The following PCED1B variants were observed in gnomAD, a reference collection of about 807,000 sequenced individuals.
PCED1B encodes the protein PC-esterase domain containing 1B.
For synonymous variants in PCED1B, 251 were observed against 246.1 expected (o/e 1.02, Z -0.19); for missense variants, 573 against 573.9 (o/e 1.00, Z 0.02).
At position 47,170,474 on chromosome 12, in the gene PCED1B, G is replaced by C. The variant is rs532769360; in HGVS notation, c.-525-45748G>C. Among the ~76,000 whole-genome samples the C allele has an allele frequency of 1.6e-3, 236 of 145,160 alleles. 3 individuals carry two copies. Among genetic ancestry groups the C allele is most frequent in the African/African-American group, 6.0e-3 (224 of 37,062 alleles). On this transcript the variant is annotated intron_variant, in intron 2 of 3. Transcript: ENST00000546455. ...ACTTCCCGGACAGGGCAACCGGGCA[G>C]AGGCGCCCCCCACCTCCCGGATGGG...
At chr12:47,222,725 G>T (rs1211664156) in intron 3 of PCED1B, among the ~76,000 whole-genome samples, 2 of 152,262 alleles carry the variant, frequency 1.3e-5, no homozygotes, top group Admixed American at 6.5e-5. Context: ...GGGCAGAGGG[G>T]TTGCTTAATA....
chr12:47,234,841 C>CA (rs1415309274), intron 3 of PCED1B, among the ~76,000 whole-genome samples, 166 bp from the exon 4 acceptor site: 1 of 152,176 alleles, frequency 6.6e-6, no homozygotes, highest in African/African-American at 2.4e-5. Flanking sequence ...GCCAATCTCC[C>CA]AGGTCCGGGC....
At chr12:47,099,242 A>G (rs1405125560) in intron 1 of PCED1B, among the ~76,000 whole-genome samples, 1 of 152,222 alleles carries the variant, frequency 6.6e-6, no homozygotes, top group Non-Finnish European at 1.5e-5. Context: ...AACAATTCAC[A>G]TACCATTTTG....
At chr12:47,148,008 A>C (rs1940854169) in intron 2 of PCED1B, among the ~76,000 whole-genome samples, 1 of 152,216 alleles carries the variant, frequency 6.6e-6, no homozygotes. Context: ...AAATAAAGGA[A>C]ATTTATTTCT....
Position 47,196,086 on chromosome 12 carries a change from T to C in PCED1B, c.-525-20136T>C, listed in dbSNP as rs74690050. Among the ~76,000 whole-genome samples the C allele has an allele frequency of 5.8e-3, 885 of 152,366 alleles. 4 individuals are homozygous for C. Among genetic ancestry groups the C allele is most frequent in the Admixed American group, 0.013 (200 of 15,306 alleles). On this transcript the variant is annotated intron_variant, in intron 2 of 3. Transcript: ENST00000546455. ...TGAATTCTTTTAACTTTGCAAAGAC[T>C]ATTACATATAACACTATGTTACAAA... is the stretch of plus-strand genomic sequence containing the variant.
chr12:47,154,725 T>A (rs376014919), intron 2 of PCED1B, among the ~76,000 whole-genome samples: 1 of 151,756 alleles, frequency 6.6e-6, no homozygotes, highest in Non-Finnish European at 1.5e-5. Context: ...GGGATCATCA[T>A]GTGAAGTCTC....
chr12:47,202,837 C>T (rs1942807521), intron 2 of PCED1B, among the ~76,000 whole-genome samples: 1 of 152,012 alleles, frequency 6.6e-6, no homozygotes, highest in South Asian at 2.1e-4. Context: ...TCTTAAATGA[C>T]ACATGTGGTC....
At chr12:47,161,448 T>C (rs187135004) in intron 2 of PCED1B, among the ~76,000 whole-genome samples, 1 of 152,334 alleles carries the variant, frequency 6.6e-6, no homozygotes, top group East Asian at 1.9e-4. Context: ...GACTTTATGC[T>C]AGTACCACAG....
intron 2 of PCED1B, among the ~76,000 whole-genome samples, chr12:47,212,585 C>T (rs1023805169): frequency 6.6e-6 from 1 of 152,192 alleles, no homozygotes; most frequent in African/African-American, 2.4e-5. Context: ...CATCTCCCCT[C>T]CACTTGCGCA....
In PCED1B at chr12:47,102,727, C is replaced by T. The variant is rs76167580; in HGVS notation, c.-608-1386C>T. 3.5e-3 allele frequency among the ~76,000 whole-genome samples: 533 copies of T among 152,260 alleles called. 9 individuals are homozygous for T. The highest frequency in any genetic ancestry group is 0.035 in the South Asian group (167 of 4,828). On this transcript the variant is annotated intron_variant, in intron 1 of 3. Coordinates refer to ENST00000546455, the MANE Select transcript of PCED1B (RefSeq NM_138371.3). Reference sequence around the variant, plus strand: ...GTGTGTGAAATGGTAATAACACCCACTTTATAGGATTGATTATTAACTCAA... The same window carrying T: ...GTGTGTGAAATGGTAATAACACCCATTTTATAGGATTGATTATTAACTCAA...
intron 2 of PCED1B, among the ~76,000 whole-genome samples, chr12:47,121,589 T>C (rs1197916205): frequency 6.6e-6 from 1 of 152,208 alleles, no homozygotes; most frequent in Non-Finnish European, 1.5e-5. Context: ...TAATTTAATC[T>C]AATTAAATGT....
intron 2 of PCED1B, among the ~76,000 whole-genome samples, chr12:47,166,905 G>A (rs985885353): frequency 1.3e-5 from 2 of 152,104 alleles, no homozygotes; most frequent in Admixed American, 6.5e-5. Context: ...AGCTACATAC[G>A]TAACACCAGA....
intron 2 of PCED1B, among the ~76,000 whole-genome samples, chr12:47,170,103 G>C (rs559641031): frequency 2.0e-5 from 3 of 150,366 alleles, no homozygotes; most frequent in Non-Finnish European, 3.0e-5. Flanking sequence ...TGACTCTTAA[G>C]GAGCATGCTG....
Position 47,236,277 on chromosome 12 carries a change from C to T in PCED1B, c.1214C>T (p.Pro405Leu). ...CATAGGGGTTTTGGCAGGTATCGTCCCCGTGGCCCCTATACGCCCTGGGGA... is the reference window on the plus strand; with the variant it reads ...CATAGGGGTTTTGGCAGGTATCGTCTCCGTGGCCCCTATACGCCCTGGGGA... ...VVHRGFGRYR[P>L]RGPYTPWGQR... The change falls in exon 4 of 4, where the codon CCC becomes CTC. Residue 405 changes from proline to leucine, a missense_variant. Coordinates refer to ENST00000546455, the MANE Select transcript of PCED1B (RefSeq NM_138371.3). The T allele has an allele frequency of 6.2e-7, 1 of 1,614,156 alleles. No individual in the cohort carries two copies. The highest frequency in any genetic ancestry group is 8.5e-7 in the Non-Finnish European group (1 of 1,180,042).
At chr12:47,158,083 C>T (rs1941252192) in intron 2 of PCED1B, among the ~76,000 whole-genome samples, 1 of 152,296 alleles carries the variant, frequency 6.6e-6, no homozygotes, top group South Asian at 2.1e-4. Flanking sequence ...GTTACTTCCA[C>T]ATTTTACCTG....
chr12:47,217,477 A>AAAG (rs1324899710), intron 3 of PCED1B, among the ~76,000 whole-genome samples: 2 of 110,782 alleles, frequency 1.8e-5, no homozygotes, highest in African/African-American at 7.9e-5. Context: ...AAAGAGAAAG[A>AAAG]AAGAAAGAAA....
intron 2 of PCED1B, among the ~76,000 whole-genome samples, chr12:47,138,794 C>T (rs138919869): frequency 8.9e-4 from 136 of 152,326 alleles, no homozygotes; most frequent in African/African-American, 3.2e-3. Context: ...CAAATGACCC[C>T]CTAGCTAAGC....
intron 2 of PCED1B, among the ~76,000 whole-genome samples, chr12:47,162,125 G>C (rs190006788): frequency 2.6e-5 from 4 of 151,704 alleles, no homozygotes; most frequent in African/African-American, 4.8e-5. Flanking sequence ...GGGTGGTGGG[G>C]GGGGGAAGGA....
At chr12:47,138,309 A>T (rs1940465740) in intron 2 of PCED1B, 1 of 152,214 alleles carries the variant, frequency 6.6e-6, no homozygotes, top group African/African-American at 2.4e-5. Context: ...TTATTTTCTT[A>T]GGAGCCATTG....
Sources: gnomAD v4.1 joint callset for allele counts (sites outside exome capture counted in the v4.1 genomes callset) on GRCh38, gnomAD v4.1.1 for gene constraint, MANE v1.5 for transcripts, NCBI Gene and HGNC (gene_info 2026-07-23, HGNC 2026-07-21) for gene names.